TTC28: variants seen among roughly 807,000 people sequenced by gnomAD.
TTC28 encodes the protein tetratricopeptide repeat domain 28, also known as tetratricopeptide repeat protein 28.
In TTC28, 61 loss-of-function variants were observed where a neutral mutation model predicts 198.0. That is an observed-to-expected ratio of 0.31 (90% CI 0.25 to 0.38). TTC28 has a LOEUF of 0.38. TTC28 is among the 10% of genes least tolerant of loss of function. The probability of loss-of-function intolerance (pLI) is 1.00; values close to 1 mark genes in which losing one functional copy is unlikely to be tolerated. For missense variants in TTC28, 2,678 were observed against 3,164.0 expected (o/e 0.85, Z 3.69); for synonymous variants, 1,171 against 1,297.8 (o/e 0.90, Z 2.10).
intron 1 of TTC28, among the ~76,000 whole-genome samples, chr22:28,660,743 C>G (rs1377055166): frequency 1.3e-5 from 2 of 151,444 alleles, no homozygotes; most frequent in African/African-American, 4.8e-5. Flanking sequence ...AGGCTGGTCT[C>G]GAACTCCTGA....
At chr22:28,305,007 G>A (rs1001480389) in intron 3 of TTC28, among the ~76,000 whole-genome samples, 23 of 123,238 alleles carry the variant, frequency 1.9e-4, no homozygotes, top group Non-Finnish European at 3.1e-4. Context: ...TATTTATTTT[G>A]AGACGGAGTC....
chr22:28,045,942 C>A (rs1175588151), intron 12 of TTC28, among the ~76,000 whole-genome samples: 1 of 152,182 alleles, frequency 6.6e-6, no homozygotes, highest in Non-Finnish European at 1.5e-5. Flanking sequence ...TGTACTTCAG[C>A]CTGGGCGACA....
intron 12 of TTC28, among the ~76,000 whole-genome samples, chr22:28,089,979 G>A (rs921581204): frequency 1.3e-5 from 2 of 151,708 alleles, no homozygotes; most frequent in Non-Finnish European, 1.5e-5. Context: ...TGGTGGGAGG[G>A]GAGAAGGATA....
At chr22:28,292,938 A>G (rs1429461159) in intron 5 of TTC28, among the ~76,000 whole-genome samples, 1 of 152,236 alleles carries the variant, frequency 6.6e-6, no homozygotes, top group Non-Finnish European at 1.5e-5. Context: ...ATTAAATCTC[A>G]GAATGGCCAG....
At chr22:28,109,636 A>C (rs1942429968) in intron 6 of TTC28, among the ~76,000 whole-genome samples, 1 of 152,256 alleles carries the variant, frequency 6.6e-6, no homozygotes, top group Admixed American at 6.5e-5. Flanking sequence ...TCATAACTAT[A>C]AAGTGGTTTC....
At chr22:28,010,138 A>C (rs1938090531) in intron 14 of TTC28, among the ~76,000 whole-genome samples, 1 of 152,120 alleles carries the variant, frequency 6.6e-6, no homozygotes, top group African/African-American at 2.4e-5. Flanking sequence ...CACATTCTCC[A>C]CACAACCAGC....
At chr22:28,395,638 A>C (rs1354603449) in intron 2 of TTC28, among the ~76,000 whole-genome samples, 27 of 149,122 alleles carry the variant, frequency 1.8e-4, no homozygotes, top group African/African-American at 4.2e-4. Flanking sequence ...AAACAAACAA[A>C]AAAAAAAAAA....
intron 1 of TTC28, among the ~76,000 whole-genome samples, chr22:28,653,731 C>G (rs992007306): frequency 3.3e-4 from 50 of 152,146 alleles, no homozygotes; most frequent in Non-Finnish European, 2.6e-4. Context: ...GTATATAAGC[C>G]TTTAACTCTA....
chr22:28,634,136 T>C (rs1485674061), intron 1 of TTC28, among the ~76,000 whole-genome samples: 2 of 152,186 alleles, frequency 1.3e-5, no homozygotes, highest in African/African-American at 4.8e-5. Flanking sequence ...CTGTAGTAAG[T>C]GCTCCACAGA....
At chr22:28,571,296 A>T (rs73430163) in intron 2 of TTC28, among the ~76,000 whole-genome samples, 4,580 of 152,306 alleles carry the variant, frequency 0.03, 237 homozygotes, top group African/African-American at 0.11. Flanking sequence ...TCACAGAGAG[A>T]AACAATCTAA....
At chr22:28,536,034 T>C (rs1210189099) in intron 2 of TTC28, among the ~76,000 whole-genome samples, 4 of 149,522 alleles carry the variant, frequency 2.7e-5, no homozygotes, top group South Asian at 2.1e-4. Flanking sequence ...CCGTCTCTAC[T>C]AGAAATACAA....
chr22:28,234,252 G>A (rs1929061843), intron 5 of TTC28, among the ~76,000 whole-genome samples: 1 of 152,000 alleles, frequency 6.6e-6, no homozygotes, highest in African/African-American at 2.4e-5. Context: ...GTGTTGCCCA[G>A]GCTGGTCTCG....
intron 2 of TTC28, among the ~76,000 whole-genome samples, chr22:28,390,313 T>C (rs1210332240): frequency 1.3e-5 from 2 of 152,174 alleles, no homozygotes; most frequent in Admixed American, 1.3e-4. Flanking sequence ...AAAAAATGCA[T>C]ATTCTGTTGA....
intron 12 of TTC28, among the ~76,000 whole-genome samples, chr22:28,052,133 T>G (rs1442527422): frequency 1.3e-5 from 2 of 152,204 alleles, no homozygotes; most frequent in Non-Finnish European, 2.9e-5. Flanking sequence ...CCTTGGGGGT[T>G]TTATAATTAA....
At chr22:28,393,067 G>C (rs1319781957) in intron 2 of TTC28, among the ~76,000 whole-genome samples, 2 of 151,828 alleles carry the variant, frequency 1.3e-5, no homozygotes, top group Admixed American at 1.3e-4. Context: ...ATTTTTTGTA[G>C]AGATGAGGTC....
At chr22:28,459,762 C>T (rs917403787) in intron 2 of TTC28, 4 of 152,220 alleles carry the variant, frequency 2.6e-5, no homozygotes, top group African/African-American at 9.7e-5. Flanking sequence ...CAATGCCTGG[C>T]TCTTGCCTTC....
intron 2 of TTC28, among the ~76,000 whole-genome samples, chr22:28,551,222 T>C (rs1041167754): frequency 3.3e-5 from 5 of 151,908 alleles, no homozygotes; most frequent in African/African-American, 7.3e-5. Flanking sequence ...AGCAGCAAGA[T>C]TGAAATGGTA....
chr22:28,230,937 A>G (rs533980866), intron 5 of TTC28, among the ~76,000 whole-genome samples: 2 of 152,332 alleles, frequency 1.3e-5, no homozygotes, highest in Non-Finnish European at 2.9e-5. Context: ...CTATGTGGGA[A>G]GCCTGTACTG....
At chr22:28,562,596 G>A (rs1204343300) in intron 2 of TTC28, among the ~76,000 whole-genome samples, 1 of 151,990 alleles carries the variant, frequency 6.6e-6, no homozygotes, top group African/African-American at 2.4e-5. Context: ...CATTATCTAA[G>A]CACCTTGTAC....
Sources: gnomAD v4.1 joint callset for allele counts (sites outside exome capture counted in the v4.1 genomes callset) on GRCh38, gnomAD v4.1.1 for gene constraint, MANE v1.5 for transcripts, NCBI Gene and HGNC (gene_info 2026-07-23, HGNC 2026-07-21) for gene names.